Variants in PLA1A observed in about 807,000 individuals in gnomAD.
The protein encoded by PLA1A is phospholipase A1 member A.
A neutral mutation model predicts 49.4 loss-of-function variants in PLA1A; 47 were observed. The ratio of observed to expected loss-of-function variants is 0.95; its 90% confidence interval spans 0.75 to 1.21. The LOEUF (loss-of-function observed/expected upper bound fraction) is 1.21. Ranked by LOEUF, PLA1A falls within the 50% of genes most tolerant of loss-of-function variation. The probability of loss-of-function intolerance (pLI) is 0.00; values close to 1 mark genes in which losing one functional copy is unlikely to be tolerated. For missense variants in PLA1A, 561 were observed against 563.9 expected (o/e 0.99, Z 0.05); for synonymous variants, 224 against 207.9 (o/e 1.08, Z -0.67).
Position 119,618,224 on chromosome 3 carries a change from G to C in PLA1A, c.922+38G>C, listed in dbSNP as rs746784700. 3 of 1,551,284 alleles carry C rather than the reference G, an allele frequency of 1.9e-6. No homozygotes were observed. The South Asian group carries it at 3.6e-5, about 18-fold the overall frequency. Reference sequence around the variant, plus strand: ...CCCTTTGACTTCCTTTGACAATGTGGGGAAGTTCAAGCCCTGCTAGTTGTC... The same window carrying C: ...CCCTTTGACTTCCTTTGACAATGTGCGGAAGTTCAAGCCCTGCTAGTTGTC... On this transcript the variant is annotated intron_variant, in intron 7 of 10. Coordinates refer to ENST00000273371, the MANE Select transcript of PLA1A (RefSeq NM_015900.4).
chr3:119,626,238 AAGC>A (rs1474572300), intron 9 of PLA1A, among the ~76,000 whole-genome samples: 1 of 152,190 alleles, frequency 6.6e-6, no homozygotes, highest in Non-Finnish European at 1.5e-5. Flanking sequence ...CCCCTGCCCA[AAGC>A]AGCCACCCAC....
chr3:119,620,129 G>GGATGC (rs1450795125), intron 8 of PLA1A: 1 of 456,798 alleles, frequency 2.2e-6, no homozygotes, highest in African/African-American at 2.0e-5. Flanking sequence ...CTTGAAGCTA[G>GGATGC]GATGCTGGTG....
rs1258236645 is a variant in PLA1A at position 119,623,689 on chromosome 3, C to T, written c.1013-1435C>T. Among the ~76,000 whole-genome samples, 5 of 146,942 alleles carry T rather than the reference C, an allele frequency of 3.4e-5. 1 individual carries two copies. Among genetic ancestry groups the T allele is most frequent in the South Asian group, 4.4e-4 (2 of 4,578 alleles). Reference sequence around the variant, plus strand: ...GTGTGGAGAGGGAGCAGGGCCGTTGCTGTATTTAATGAGTTAATTCTCTCT... The same window carrying T: ...GTGTGGAGAGGGAGCAGGGCCGTTGTTGTATTTAATGAGTTAATTCTCTCT... On this transcript the variant is annotated intron_variant, in intron 8 of 10. Transcript: ENST00000273371.
chr3:119,614,208 G>A (rs2082812070), intron 5 of PLA1A, among the ~76,000 whole-genome samples: 1 of 152,194 alleles, frequency 6.6e-6, no homozygotes, highest in African/African-American at 2.4e-5. Flanking sequence ...ACATGCAGTT[G>A]TATTGTCCAA....
At chr3:119,624,562 G>A (rs2082989713) in intron 8 of PLA1A, among the ~76,000 whole-genome samples, 1 of 151,874 alleles carries the variant, frequency 6.6e-6, no homozygotes. Flanking sequence ...ATTACTGAAT[G>A]CTTCCTAGGC....
At chr3:119,612,088 G>C (rs1414403832) in intron 4 of PLA1A, among the ~76,000 whole-genome samples, 1 of 152,166 alleles carries the variant, frequency 6.6e-6, no homozygotes, top group Non-Finnish European at 1.5e-5. Context: ...CCTTTTGGTG[G>C]GATAATTTTG....
rs1265052734 is a variant in PLA1A, at chr3:119,629,399, C to T, written c.1302C>T (p.Cys434=). 1 of 1,607,134 alleles carries T rather than the reference C, an allele frequency of 6.2e-7. No homozygotes were observed. The highest frequency in any genetic ancestry group is 1.3e-5 in the African/African-American group (1 of 74,782). The change falls in exon 11 of 11, where the codon TGC becomes TGT. Residue 434 remains cysteine, a synonymous_variant. Transcript: ENST00000273371. ...LPVNDREKMV[C]LPEPVNLQAS... ...TCTCTTCCAGAGAAAAGATGGTCTG[C>T]TTACCTGAACCAGTGAACTTACAAG...
At chr3:119,599,694 G>A (rs1450504587) in intron 1 of PLA1A, among the ~76,000 whole-genome samples, 1 of 152,114 alleles carries the variant, frequency 6.6e-6, no homozygotes, top group East Asian at 1.9e-4. Context: ...TAGATGCTCT[G>A]GGCAGGAAGT....
rs114723247 is a variant in PLA1A at position 119,620,137 on chromosome 3, G to T, written c.1012+485G>T. 941 of 456,854 alleles carry T rather than the reference G, an allele frequency of 2.1e-3. 7 individuals are homozygous for T. Among genetic ancestry groups the T allele is most frequent in the African/African-American group, 0.017 (845 of 50,198 alleles). 28.3% of individuals were successfully genotyped at this position (456,854 alleles called of 1,614,324 possible). A position where few individuals can be genotyped will look rare whatever the true frequency, so the allele number is the denominator to read the frequency against. On this transcript the variant is annotated intron_variant, in intron 8 of 10. Transcript: ENST00000273371. ...GCATTTCCTTGAAGCTAGGATGCTG[G>T]TGATTGTAACGATGTTAAATGTGAA...
chr3:119,600,087 G>A (rs1344262945), intron 1 of PLA1A, among the ~76,000 whole-genome samples: 2 of 152,068 alleles, frequency 1.3e-5, no homozygotes, highest in Admixed American at 6.6e-5. Flanking sequence ...AGAAGATGCC[G>A]GATGCAGAGA....
Position 119,629,498 on chromosome 3 carries a change from A to ATTG in PLA1A, c.*32_*33insGTT. The ATTG allele has an allele frequency of 2.3e-6, 2 of 876,098 alleles. No individual in the cohort carries two copies. Among genetic ancestry groups the ATTG allele is most frequent in the Non-Finnish European group, 3.5e-6 (2 of 566,666 alleles). The allele number at this position is 876,098 out of a possible 1,614,324, so 54.3% of individuals were successfully genotyped here. A position where few individuals can be genotyped will look rare whatever the true frequency, so the allele number is the denominator to read the frequency against. ...ACCTGGGCAGGACACATCTCCCTGC[A>ATTG]TTTTTTTTTTTTTTTTGAGAGAGAG... is the stretch of plus-strand genomic sequence containing the variant. On this transcript the variant is annotated 3_prime_UTR_variant, in exon 11 of 11. Coordinates refer to ENST00000273371, the MANE Select transcript of PLA1A (RefSeq NM_015900.4).
At chr3:119,613,394 G>T (rs1314539120) in intron 5 of PLA1A, among the ~76,000 whole-genome samples, 1 of 152,254 alleles carries the variant, frequency 6.6e-6, no homozygotes, top group Non-Finnish European at 1.5e-5. Context: ...TGATTCAAAT[G>T]AATGCAGTAA....
chr3:119,606,910 C>G lies in PLA1A; in HGVS notation c.210C>G (p.Ser70Arg), dbSNP rs370277275. The change falls in exon 2 of 11, where the codon AGC (serine) becomes AGG (arginine). Residue 70 changes from serine to arginine, a missense_variant. Ser to Arg is a moderately radical substitution (Grantham distance 110). Coordinates refer to ENST00000273371, the MANE Select transcript of PLA1A (RefSeq NM_015900.4). ...NPSCGQLVEG[S>R]SDLQNSGFNA... ...GCTGTGGGCAGCTAGTAGAAGGAAGCAGTGACCTCCAAAACTCTGGGTTCA... is the reference window on the plus strand; with the variant it reads ...GCTGTGGGCAGCTAGTAGAAGGAAGGAGTGACCTCCAAAACTCTGGGTTCA... 7.4e-6 allele frequency: 12 copies of G among 1,614,036 alleles called. No individual in the cohort carries two copies. In the African/African-American group the frequency reaches 1.5e-4, roughly 20 times the overall value.
intron 4 of PLA1A, among the ~76,000 whole-genome samples, chr3:119,611,418 T>C (rs2082763214): frequency 6.6e-6 from 1 of 152,214 alleles, no homozygotes; most frequent in South Asian, 2.1e-4. Context: ...AAAATGGATA[T>C]TTTAATGATA....
chr3:119,608,927 C>G lies in PLA1A; in HGVS notation c.433C>G (p.Leu145Val), dbSNP rs780908128. Residue 145 changes from leucine to valine, a missense_variant, in exon 3 of 11, where the codon CTT becomes GTT. By Grantham distance (32) the Leu-to-Val change is conservative. Coordinates refer to ENST00000273371, the MANE Select transcript of PLA1A (RefSeq NM_015900.4). ...NVIKLSLEIS[L>V]FLNKLLVLGV... The stretch of plus-strand genomic sequence containing the variant: ...GATTAAGTTGAGCCTCGAGATCTCC[C>G]TTTTCCTCAATAAACTCCTGGTAGG... The G allele has an allele frequency of 5.0e-6, 8 of 1,613,974 alleles. No individual in the cohort carries two copies. Among genetic ancestry groups the G allele is most frequent in the Non-Finnish European group, 6.8e-6 (8 of 1,179,868 alleles).
At position 119,613,117 on chromosome 3, in the gene PLA1A, C is replaced by T; in HGVS notation, c.663C>T (p.Asp221=). ...TGGAAGCCATCCACACAGACACCGA[C>T]AGTGAGCTGGGGTGACCTTCCTGGG... is the stretch of plus-strand genomic sequence containing the variant. ...LFVEAIHTDT[D]NLGIRIPVGH... is the part of the protein sequence containing the mutation. Residue 221 remains aspartate (D), a splice_region_variant and synonymous_variant, in exon 5 of 11, where the codon GAC becomes GAT. Transcript: ENST00000273371. The T allele has an allele frequency of 6.3e-7, 1 of 1,598,680 alleles. No homozygotes were observed. Among genetic ancestry groups the T allele is most frequent in the Non-Finnish European group, 8.5e-7 (1 of 1,169,992 alleles).
At chr3:119,602,864 G>C (rs1419441264) in intron 1 of PLA1A, among the ~76,000 whole-genome samples, 1 of 152,124 alleles carries the variant, frequency 6.6e-6, no homozygotes, top group Non-Finnish European at 1.5e-5. Context: ...GAGTAGACAA[G>C]AGAGCACTTG....
chr3:119,607,858 C>T (rs1470795976), intron 2 of PLA1A, among the ~76,000 whole-genome samples: 1 of 152,178 alleles, frequency 6.6e-6, no homozygotes, highest in Non-Finnish European at 1.5e-5. Flanking sequence ...TCCCACAACC[C>T]CATTCCCTGG....
intron 5 of PLA1A, among the ~76,000 whole-genome samples, chr3:119,615,675 G>A (rs1400381753): frequency 6.6e-6 from 1 of 152,104 alleles, no homozygotes; most frequent in African/African-American, 2.4e-5. Flanking sequence ...CTAGCCGGGT[G>A]TGGTGGCATC....
Sources: gnomAD v4.1 joint callset for allele counts (sites outside exome capture counted in the v4.1 genomes callset) on GRCh38, gnomAD v4.1.1 for gene constraint, MANE v1.5 for transcripts, NCBI Gene and HGNC (gene_info 2026-07-23, HGNC 2026-07-21) for gene names.